APBB2: variants seen among roughly 807,000 people sequenced by gnomAD.
The protein encoded by APBB2 is Fe65-like 1.
APBB2 carries 38 observed loss-of-function variants against 82.5 expected under a neutral mutation model. The ratio of observed to expected loss-of-function variants is 0.46; its 90% confidence interval spans 0.36 to 0.60. The LOEUF (loss-of-function observed/expected upper bound fraction) is 0.60, where lower values mean the gene tolerates loss of function less well. APBB2 is among the 20% of genes least tolerant of loss of function. The pLI, the probability that APBB2 is intolerant of heterozygous loss-of-function variation, is 0.00. For synonymous variants in APBB2, 341 were observed against 368.2 expected (o/e 0.93, Z 0.85); for missense variants, 772 against 972.3 (o/e 0.79, Z 2.74).
rs1011719287 is a variant in APBB2, at chr4:41,122,631, T to TA, written c.-261+20355dup. ...TTTGATCCTACTTTTATAACACTCT[T>TA]AAAGCTAACTGTTGTGGCTGGTGAA... On this transcript the variant is annotated intron_variant, in intron 2 of 17. Transcript: ENST00000508593. Among the ~76,000 whole-genome samples, 29 of 152,336 alleles carry TA rather than the reference T, an allele frequency of 1.9e-4. 1 individual carries two copies. The highest frequency in any genetic ancestry group is 1.8e-3 in the Admixed American group (27 of 15,302).
At chr4:40,878,887 T>C (rs976234502) in intron 12 of APBB2, among the ~76,000 whole-genome samples, 2 of 152,192 alleles carry the variant, frequency 1.3e-5, no homozygotes, top group African/African-American at 4.8e-5. Context: ...CTGGCTGCCA[T>C]GACCGCGCCT....
At position 41,013,883 on chromosome 4, in the gene APBB2, G is replaced by C; in HGVS notation, c.535C>G (p.Arg179Gly). The change falls in exon 6 of 18, where the codon CGA (arginine) becomes GGA (glycine). Residue 179 changes from arginine to glycine, a missense_variant. Arg to Gly is a moderately radical substitution (Grantham distance 125). Coordinates refer to ENST00000508593, the MANE Select transcript of APBB2 (RefSeq NM_004307.2). Reference sequence around the variant, plus strand: ...TCCGCAGTCCCATGGTGATTGCCTCGGTTCTGCTCTAGTTCTCTGGCTGAG... The same window carrying C: ...TCCGCAGTCCCATGGTGATTGCCTCCGTTCTGCTCTAGTTCTCTGGCTGAG... Reference protein sequence around the residue: ...ETSARELEQNRGNHHGTAEEK... With the variant: ...ETSARELEQNGGNHHGTAEEK... 6.2e-7 allele frequency: 1 copy of C among 1,614,138 alleles called. No individual in the cohort carries two copies. Among genetic ancestry groups the C allele is most frequent in the African/African-American group, 1.3e-5 (1 of 75,032 alleles).
At position 41,079,683 on chromosome 4, in the gene APBB2, G is replaced by A. The variant is rs192144118; in HGVS notation, c.-148-14010C>T. Among the ~76,000 whole-genome samples, 4 of 152,056 alleles carry A rather than the reference G, an allele frequency of 2.6e-5. No individual in the cohort carries two copies. The East Asian group carries it at 5.8e-4, about 22-fold the overall frequency. ...CCTGCCCCACCCTCCCAAGTAGCTG[G>A]GACTACAGGCGCAGGCCATCACACC... On this transcript the variant is annotated intron_variant, in intron 3 of 17. Transcript: ENST00000508593.
At chr4:41,210,469 A>G (rs1336468422) in intron 1 of APBB2, among the ~76,000 whole-genome samples, 1 of 152,162 alleles carries the variant, frequency 6.6e-6, no homozygotes, top group Non-Finnish European at 1.5e-5. Context: ...ACCCTTTATT[A>G]TGGAGAGTCT....
intron 12 of APBB2, among the ~76,000 whole-genome samples, chr4:40,864,088 C>A (rs1257311559): frequency 6.6e-6 from 1 of 151,806 alleles, no homozygotes; most frequent in Non-Finnish European, 1.5e-5. Flanking sequence ...GAAACCCCAT[C>A]ACTATGACAA....
intron 12 of APBB2, chr4:40,857,059 G>A (rs1761445274): frequency 2.0e-6 from 2 of 985,484 alleles, no homozygotes; most frequent in African/African-American, 1.7e-5. Context: ...GTCGGGCGGG[G>A]ATGCCGCCCC....
chr4:40,910,313 T>C (rs370918588), intron 10 of APBB2, among the ~76,000 whole-genome samples: 1 of 152,042 alleles, frequency 6.6e-6, no homozygotes, highest in African/African-American at 2.4e-5. Context: ...TCATGGCTCA[T>C]TGCAGCCTCA....
intron 1 of APBB2, among the ~76,000 whole-genome samples, chr4:41,203,741 C>A (rs953952101): frequency 6.6e-6 from 1 of 152,168 alleles, no homozygotes; most frequent in African/African-American, 2.4e-5. Context: ...GGTTCCCTTC[C>A]TGTGTGAACT....
chr4:40,850,739 C>T (rs1224088457), intron 12 of APBB2, among the ~76,000 whole-genome samples: 2 of 152,106 alleles, frequency 1.3e-5, no homozygotes, highest in African/African-American at 4.8e-5. Flanking sequence ...CCCGGGAGTT[C>T]GAGGTCAGCA....
intron 11 of APBB2, among the ~76,000 whole-genome samples, chr4:40,892,172 A>G (rs988275590): frequency 2.6e-5 from 4 of 152,120 alleles, no homozygotes; most frequent in African/African-American, 7.2e-5. Context: ...GCTGGTCTCA[A>G]ACTCCTGAGC....
intron 1 of APBB2, among the ~76,000 whole-genome samples, chr4:41,195,711 C>A: frequency 6.6e-6 from 1 of 152,100 alleles, no homozygotes; most frequent in South Asian, 2.1e-4. Flanking sequence ...ACCTTCAGCC[C>A]TACCCTTAGA....
At chr4:40,855,512 A>G (rs550371678) in intron 12 of APBB2, among the ~76,000 whole-genome samples, 60 of 152,262 alleles carry the variant, frequency 3.9e-4, no homozygotes, top group African/African-American at 1.4e-3. Flanking sequence ...AGGCAGGTGG[A>G]TCACCCAAGG....
At chr4:41,099,553 T>C (rs1258907620) in intron 3 of APBB2, among the ~76,000 whole-genome samples, 2 of 152,184 alleles carry the variant, frequency 1.3e-5, no homozygotes, top group Non-Finnish European at 2.9e-5. Context: ...TCAAGACCCT[T>C]ACCTTATTAT....
At chr4:41,071,508 C>T (rs1488526128) in intron 3 of APBB2, among the ~76,000 whole-genome samples, 7 of 152,036 alleles carry the variant, frequency 4.6e-5, no homozygotes, top group Admixed American at 1.3e-4. Context: ...TGGCGAAACC[C>T]CATCTCTACT....
intron 10 of APBB2, among the ~76,000 whole-genome samples, chr4:40,933,628 C>T (rs769114987): frequency 1.3e-5 from 2 of 152,104 alleles, no homozygotes; most frequent in Admixed American, 6.5e-5. Flanking sequence ...GTCTCTTCCG[C>T]GGTAGAGGGC....
intron 1 of APBB2, among the ~76,000 whole-genome samples, chr4:41,190,241 A>ATT (rs1160837303): frequency 0.062 from 4,424 of 71,812 alleles, 1,221 homozygotes; most frequent in African/African-American, 0.14. Context: ...TACATAGGCT[A>ATT]TTTTTTTTTT....
chr4:41,124,190 T>C (rs754407428), intron 2 of APBB2, among the ~76,000 whole-genome samples: 3 of 152,256 alleles, frequency 2.0e-5, no homozygotes, highest in East Asian at 1.9e-4. Context: ...TCTCCTACTT[T>C]TGACTTTTCT....
intron 1 of APBB2, among the ~76,000 whole-genome samples, chr4:41,214,132 T>C (rs1322733054): frequency 6.6e-6 from 1 of 152,158 alleles, no homozygotes; most frequent in African/African-American, 2.4e-5. Flanking sequence ...GAGCCCGCAG[T>C]CGCCGTGCCA....
chr4:41,074,590 G>A (rs1051219858), intron 3 of APBB2, among the ~76,000 whole-genome samples: 2 of 149,008 alleles, frequency 1.3e-5, no homozygotes, highest in Non-Finnish European at 3.0e-5. Flanking sequence ...CCATATGAAG[G>A]CAAATATTAT....
Sources: gnomAD v4.1 joint callset for allele counts (sites outside exome capture counted in the v4.1 genomes callset) on GRCh38, gnomAD v4.1.1 for gene constraint, MANE v1.5 for transcripts, NCBI Gene and HGNC (gene_info 2026-07-23, HGNC 2026-07-21) for gene names.